Variants in ZNF385D observed in about 807,000 individuals in gnomAD.
The protein encoded by ZNF385D is zinc finger protein 659.
Under a neutral mutation model 35.8 loss-of-function variants are expected in ZNF385D, and 15 were observed. The ratio of observed to expected loss-of-function variants is 0.42; its 90% CI spans 0.28 to 0.64. The LOEUF is 0.64. ZNF385D is among the 30% of genes least tolerant of loss of function. ZNF385D has a pLI of 0.23. For synonymous variants in ZNF385D, 212 were observed against 186.8 expected, an observed-to-expected ratio of 1.13 and a Z score of -1.10; for missense variants, 474 against 494.6, an observed-to-expected ratio of 0.96 and a Z score of 0.39.
intron 2 of ZNF385D, among the ~76,000 whole-genome samples, chr3:22,215,472 T>C (rs997424113): frequency 6.6e-6 from 1 of 151,888 alleles, no homozygotes; most frequent in Non-Finnish European, 1.5e-5. Flanking sequence ...TCTTTTATGG[T>C]CGAGCTGTAA....
chr3:22,135,708 C>T (rs1012134945), intron 3 of ZNF385D, among the ~76,000 whole-genome samples: 1 of 152,090 alleles, frequency 6.6e-6, no homozygotes, highest in East Asian at 1.9e-4. Context: ...ATTTAAGTCA[C>T]CAAATTACCC....
chr3:21,841,498 C>T (rs757884998), intron 3 of ZNF385D, among the ~76,000 whole-genome samples: 1 of 151,948 alleles, frequency 6.6e-6, no homozygotes, highest in Non-Finnish European at 1.5e-5. Flanking sequence ...GGTTACAAGT[C>T]GTAAGTTTTG....
intron 2 of ZNF385D, among the ~76,000 whole-genome samples, chr3:22,309,324 T>C (rs893925166): frequency 6.6e-6 from 1 of 152,060 alleles, no homozygotes; most frequent in African/African-American, 2.4e-5. Flanking sequence ...AAAACTTTAA[T>C]TATTCATGTG....
chr3:21,816,477 C>G (rs1469652835), intron 3 of ZNF385D, among the ~76,000 whole-genome samples: 1 of 152,178 alleles, frequency 6.6e-6, no homozygotes, highest in Non-Finnish European at 1.5e-5. Context: ...GCAACTTCAG[C>G]AAAGTCTCAA....
chr3:21,921,105 C>G (rs1277485258), intron 3 of ZNF385D, among the ~76,000 whole-genome samples: 1 of 151,516 alleles, frequency 6.6e-6, no homozygotes, highest in African/African-American at 2.4e-5. Context: ...CGCCTGTAGT[C>G]CCAGCTACTC....
intron 3 of ZNF385D, among the ~76,000 whole-genome samples, chr3:21,938,668 C>A (rs968634929): frequency 6.6e-6 from 1 of 152,198 alleles, no homozygotes; most frequent in Non-Finnish European, 1.5e-5. Flanking sequence ...CATTGCTGTT[C>A]TGCACTCACA....
intron 2 of ZNF385D, among the ~76,000 whole-genome samples, chr3:22,284,189 GTTTGT>G (rs1271587545): frequency 6.6e-6 from 1 of 150,454 alleles, no homozygotes; most frequent in African/African-American, 2.4e-5. Flanking sequence ...TTGTTTGTTT[GTTTGT>G]TTTTGTTTTT....
rs115160323 is a variant in ZNF385D, at chr3:21,597,890, A to C, written c.166-33206T>G. On this transcript the variant is annotated intron_variant, in intron 2 of 7. Transcript: ENST00000281523. ...GCAGTTAAATAGGGAAGAATGAAAA[A>C]ACACACACAGGGATCTCTTCTGTAT... is the stretch of plus-strand genomic sequence containing the variant. Among the ~76,000 whole-genome samples the C allele has an allele frequency of 2.4e-3, 359 of 152,290 alleles. 1 individual carries two copies. The highest frequency in any genetic ancestry group is 8.4e-3 in the African/African-American group (349 of 41,562).
At chr3:21,537,193 C>T (rs938208216) in intron 3 of ZNF385D, among the ~76,000 whole-genome samples, 4 of 130,934 alleles carry the variant, frequency 3.1e-5, no homozygotes, top group African/African-American at 5.7e-5. Context: ...AGTGCAGTGG[C>T]GTGATCTCAG....
intron 3 of ZNF385D, among the ~76,000 whole-genome samples, chr3:21,998,875 C>T (rs547424752): frequency 1.3e-5 from 2 of 152,160 alleles, no homozygotes; most frequent in South Asian, 4.1e-4. Flanking sequence ...TGCTCACATG[C>T]ACATACTGAA....
At chr3:21,912,989 T>G (rs1575898461) in intron 3 of ZNF385D, among the ~76,000 whole-genome samples, 1 of 152,088 alleles carries the variant, frequency 6.6e-6, no homozygotes, top group African/African-American at 2.4e-5. Context: ...GATAATAATT[T>G]TTTTAAAAGC....
Position 21,997,279 on chromosome 3 carries a change from A to G in ZNF385D, c.325+171538T>C, listed in dbSNP as rs139290093. ...AACCAAATACCACATGTTCTCACTC[A>G]TAGGTGGGAATTGAACAATGAGAAC... On this transcript the variant is annotated intron_variant, in intron 3 of 5. Coordinates refer to the ZNF385D transcript ENST00000494108. Among the ~76,000 whole-genome samples, 1,444 of 152,254 alleles carry G rather than the reference A, an allele frequency of 9.5e-3. 18 individuals carry two copies. The highest frequency in any genetic ancestry group is 0.058 in the South Asian group (280 of 4,822).
intron 2 of ZNF385D, among the ~76,000 whole-genome samples, chr3:21,571,689 A>C (rs2063338982): frequency 6.6e-6 from 1 of 152,298 alleles, no homozygotes; most frequent in South Asian, 2.1e-4. Context: ...TTTGTGACAA[A>C]TTGGCTACAA....
rs145920820 is a variant in ZNF385D, at chr3:21,622,659, C to A, written c.165+42227G>T. 1.1e-4 allele frequency among the ~76,000 whole-genome samples: 17 copies of A among 152,192 alleles called. No homozygotes were observed. The East Asian group carries it at 1.2e-3, about 10-fold the overall frequency. On this transcript the variant is annotated intron_variant, in intron 2 of 7. Transcript: ENST00000281523. ...GTCAACTAATTCTCTGTATTGAATT[C>A]AGTCCATCCATATAGTTCAAGAAGT...
chr3:21,943,399 T>C (rs949706269), intron 3 of ZNF385D, among the ~76,000 whole-genome samples: 14 of 151,916 alleles, frequency 9.2e-5, no homozygotes, highest in East Asian at 3.9e-4. Context: ...TCTTTTTCTA[T>C]GTTCCAATTT....
chr3:21,494,705 C>A (rs936137400), intron 4 of ZNF385D, among the ~76,000 whole-genome samples: 3 of 152,140 alleles, frequency 2.0e-5, no homozygotes, highest in Non-Finnish European at 2.9e-5. Context: ...AAGCCTCTAG[C>A]ACAAAACTTC....
chr3:22,310,938 G>C (rs1251124324), intron 2 of ZNF385D, among the ~76,000 whole-genome samples: 1 of 151,592 alleles, frequency 6.6e-6, no homozygotes, highest in Non-Finnish European at 1.5e-5. Flanking sequence ...TGTTTATGAA[G>C]TTTTTGATGT....
intron 2 of ZNF385D, among the ~76,000 whole-genome samples, chr3:21,586,457 A>G (rs1423447310): frequency 1.3e-5 from 2 of 152,222 alleles, no homozygotes; most frequent in Admixed American, 1.3e-4. Flanking sequence ...TTAGACTCCT[A>G]TGCTGTATGT....
At chr3:22,192,268 T>C (rs1173744692) in intron 2 of ZNF385D, among the ~76,000 whole-genome samples, 2 of 152,154 alleles carry the variant, frequency 1.3e-5, no homozygotes, top group East Asian at 3.9e-4. Context: ...CTGAGATGTC[T>C]GCAATGAGTT....
Sources: gnomAD v4.1 joint callset for allele counts (sites outside exome capture counted in the v4.1 genomes callset) on GRCh38, gnomAD v4.1.1 for gene constraint, MANE v1.5 for transcripts, NCBI Gene and HGNC (gene_info 2026-07-23, HGNC 2026-07-21) for gene names.